The following NT5C2 variants were observed in gnomAD, a reference collection of about 807,000 sequenced individuals.
The protein encoded by NT5C2 is cytosolic purine 5'-nucleotidase.
NT5C2 carries 58 observed loss-of-function variants against 76.1 expected under a neutral mutation model. The ratio of observed to expected loss-of-function variants is 0.76; its 90% confidence interval spans 0.62 to 0.95. NT5C2 has a LOEUF of 0.95. NT5C2 is among the 40% of genes least tolerant of loss of function. The probability of loss-of-function intolerance (pLI) is 0.00; values close to 1 mark genes in which losing one functional copy is unlikely to be tolerated. For missense variants in NT5C2, 478 were observed against 690.3 expected (o/e 0.69, Z 3.45); for synonymous variants, 229 against 237.4 (o/e 0.96, Z 0.32).
chr10:103,100,912 C>A (rs1410842133), intron 8 of NT5C2, 133 bp downstream of exon 8: 1 of 712,136 alleles, frequency 1.4e-6, no homozygotes. Flanking sequence ...CTCAGGTTGG[C>A]AATGTGGCAT....
intron 3 of NT5C2, among the ~76,000 whole-genome samples, chr10:103,159,230 G>A (rs1436180324): frequency 6.8e-6 from 1 of 148,078 alleles, no homozygotes; most frequent in Non-Finnish European, 1.5e-5. Context: ...GTAACAGAGT[G>A]AGACCTCATC....
At chr10:103,124,142 A>G (rs2076237452) in intron 4 of NT5C2, among the ~76,000 whole-genome samples, 1 of 152,054 alleles carries the variant, frequency 6.6e-6, no homozygotes. Flanking sequence ...TTCCTTTCTT[A>G]TTGTTTCAAA....
At chr10:103,183,460 A>G (rs1190544612) in intron 1 of NT5C2, among the ~76,000 whole-genome samples, 1 of 146,060 alleles carries the variant, frequency 6.8e-6, no homozygotes, top group African/African-American at 2.5e-5. Context: ...TTGCCTCTGC[A>G]TCATTCTTCC....
intron 7 of NT5C2, 27 bp downstream of exon 7, chr10:103,101,208 G>A (rs771866343): frequency 3.4e-6 from 5 of 1,473,632 alleles, no homozygotes; most frequent in Non-Finnish European, 4.7e-6. Context: ...GAAAGCATCA[G>A]TATAAATAAG....
rs1163804540 is a variant in NT5C2, at chr10:103,090,794, CAA to C, written c.1273-9_1273-8del. The C allele has an allele frequency of 3.7e-6, 6 of 1,613,540 alleles. No individual in the cohort carries two copies. Among genetic ancestry groups the C allele is most frequent in the Non-Finnish European group, 5.1e-6 (6 of 1,179,824 alleles). ...CCATGTCATGAGTTACTTTCTAAAA[CAA>C]AGAACAAGATTGATTCTTGGCTCAT... On this transcript the variant is annotated splice_polypyrimidine_tract_variant and splice_region_variant and intron_variant, in intron 17 of 18. Coordinates refer to ENST00000404739, the MANE Select transcript of NT5C2 (RefSeq NM_001351169.2).
At chr10:103,097,206 A>C (rs2068420570) in intron 11 of NT5C2, 85 bp downstream of exon 11, 3 of 1,024,950 alleles carry the variant, frequency 2.9e-6, no homozygotes, top group Non-Finnish European at 4.3e-6. Context: ...TCACTTAATA[A>C]ACTTCTATCT....
intron 4 of NT5C2, among the ~76,000 whole-genome samples, chr10:103,114,243 T>C (rs2073799529): frequency 6.6e-6 from 1 of 152,004 alleles, no homozygotes; most frequent in Non-Finnish European, 1.5e-5. Flanking sequence ...TGAAACCCTG[T>C]CTCTACTAAA....
chr10:103,129,376 C>T (rs2077479195), intron 4 of NT5C2, among the ~76,000 whole-genome samples: 2 of 105,252 alleles, frequency 1.9e-5, no homozygotes, highest in African/African-American at 7.4e-5. Context: ...CCCGGCCAGC[C>T]GCCCCGTCTG....
intron 18 of NT5C2, 119 bp downstream of exon 18, chr10:103,090,492 C>T: frequency 1.2e-6 from 1 of 852,448 alleles, no homozygotes; most frequent in Non-Finnish European, 1.8e-6. Context: ...TATAACCTGC[C>T]CCTGGGCTCT....
intron 8 of NT5C2, among the ~76,000 whole-genome samples, 178 bp from the exon 9 acceptor site, chr10:103,100,197 G>A (rs1256028850): frequency 6.6e-6 from 1 of 152,150 alleles, no homozygotes; most frequent in African/African-American, 2.4e-5. Context: ...TGGCTATAGT[G>A]TTCAATGGAA....
At chr10:103,107,116 C>T (rs1003879723) in intron 4 of NT5C2, among the ~76,000 whole-genome samples, 1 of 152,098 alleles carries the variant, frequency 6.6e-6, no homozygotes, top group African/African-American at 2.4e-5. Context: ...CTGAAGGCTT[C>T]GGTGTTGTGC....
rs987126711 is a variant in NT5C2 at position 103,148,085 on chromosome 10, T to G, written c.102-8606A>C. ...ATGCTTAATGATATAAAAAGTATTA[T>G]AGGTAAGAACTTTATGAAATGGATT... On this transcript the variant is annotated intron_variant, in intron 3 of 18. Transcript: ENST00000404739. 1.1e-4 allele frequency among the ~76,000 whole-genome samples: 16 copies of G among 152,298 alleles called. 2 individuals carry two copies. The highest frequency in any genetic ancestry group is 7.8e-4 in the Admixed American group (12 of 15,292).
At chr10:103,122,930 T>C (rs893850181) in intron 4 of NT5C2, among the ~76,000 whole-genome samples, 1 of 152,210 alleles carries the variant, frequency 6.6e-6, no homozygotes, top group Non-Finnish European at 1.5e-5. Flanking sequence ...GGTTTACTCA[T>C]TTCTCCAGGT....
intron 4 of NT5C2, among the ~76,000 whole-genome samples, chr10:103,130,020 C>T (rs1428991903): frequency 3.3e-5 from 5 of 151,278 alleles, no homozygotes; most frequent in African/African-American, 4.9e-5. Context: ...AGTGAGGAGC[C>T]CCTCTGCCCG....
In NT5C2 at chr10:103,146,153, G is replaced by A. The variant is rs561777059; in HGVS notation, c.102-6674C>T. 524 of 985,346 alleles carry A rather than the reference G, an allele frequency of 5.3e-4. No individual in the cohort carries two copies. In the African/African-American group the frequency reaches 7.7e-3, roughly 14 times the overall value. 61.0% of individuals were successfully genotyped at this position (985,346 alleles called of 1,614,324 possible). ...TAGTTTTTTTGTGACTTAACTTCAA[G>A]AAGTTTAACCTGAATCAGGCCCCTC... On this transcript the variant is annotated intron_variant, in intron 3 of 18. Coordinates refer to ENST00000404739, the MANE Select transcript of NT5C2 (RefSeq NM_001351169.2).
chr10:103,133,154 A>G (rs1170706465), intron 4 of NT5C2, among the ~76,000 whole-genome samples: 1 of 152,046 alleles, frequency 6.6e-6, no homozygotes, highest in Non-Finnish European at 1.5e-5. Context: ...AAAAAGGGGA[A>G]TTTCCCTGCA....
intron 14 of NT5C2, chr10:103,093,704 C>G (rs2067464597): frequency 6.6e-6 from 3 of 457,856 alleles, no homozygotes; most frequent in East Asian, 6.8e-5. Context: ...GAAGTACCCC[C>G]AAGTGATTCG....
chr10:103,118,805 T>C lies in NT5C2; in HGVS notation c.176-12099A>G, dbSNP rs11191565. On this transcript the variant is annotated intron_variant, in intron 4 of 18. Coordinates refer to ENST00000404739, the MANE Select transcript of NT5C2 (RefSeq NM_001351169.2). ...ATTAACCACAATTATCTTTTTTGTT[T>C]GTTTGTTTTTTAAGGGATCATCTCT... 3.4e-3 allele frequency among the ~76,000 whole-genome samples: 514 copies of C among 152,294 alleles called. 16 individuals are homozygous for C. The East Asian group carries it at 0.068, about 20-fold the overall frequency.
At chr10:103,176,191 C>T (rs2089894040) in intron 2 of NT5C2, 1 of 153,504 alleles carries the variant, frequency 6.5e-6, no homozygotes. Flanking sequence ...AAGGAAGGGG[C>T]TATTGCCTCC....
Sources: gnomAD v4.1 joint callset for allele counts (sites outside exome capture counted in the v4.1 genomes callset) on GRCh38, gnomAD v4.1.1 for gene constraint, MANE v1.5 for transcripts, NCBI Gene and HGNC (gene_info 2026-07-23, HGNC 2026-07-21) for gene names.